Variants in DNM1L observed in about 807,000 individuals in gnomAD.
DNM1L encodes the protein dynamin-1-like protein.
In DNM1L, 33 loss-of-function variants were observed where a neutral mutation model predicts 92.8. The ratio of observed to expected loss-of-function variants is 0.36; its 90% CI spans 0.27 to 0.48. The LOEUF (loss-of-function observed/expected upper bound fraction) is 0.48. Among genes scored for constraint, DNM1L ranks in the 20% least tolerant of loss-of-function variants. The pLI is 0.99. For missense variants in DNM1L, 485 were observed against 888.8 expected (o/e 0.55, Z 5.78); for synonymous variants, 284 against 305.0 (o/e 0.93, Z 0.72).
chr12:32,712,289 C>G (rs1953157261), intron 5 of DNM1L, among the ~76,000 whole-genome samples: 2 of 152,112 alleles, frequency 1.3e-5, no homozygotes, highest in Admixed American at 6.6e-5. Context: ...TGTTACGTCC[C>G]TATTCTTCTC....
At chr12:32,692,009 C>T (rs1449212827) in intron 1 of DNM1L, among the ~76,000 whole-genome samples, 2 of 123,644 alleles carry the variant, frequency 1.6e-5, no homozygotes, top group African/African-American at 8.8e-5. Flanking sequence ...ATCAGACTGG[C>T]ATTAGATTCC....
chr12:32,704,454 G>C (rs1392522509), intron 2 of DNM1L, among the ~76,000 whole-genome samples: 2 of 151,778 alleles, frequency 1.3e-5, no homozygotes, highest in Admixed American at 1.3e-4. Flanking sequence ...GGAGGCTGAG[G>C]CAGGAGAATC....
chr12:32,738,350 C>G, intron 16 of DNM1L, 54 bp downstream of exon 16: 1 of 1,585,756 alleles, frequency 6.3e-7, no homozygotes, highest in Non-Finnish European at 8.7e-7. Flanking sequence ...CTCACTGAAA[C>G]ACTGTCTATA....
In DNM1L at chr12:32,724,590, AAAAATATATAT is replaced by A. The variant is rs1369405248; in HGVS notation, c.1079+1959_1079+1969del. On this transcript the variant is annotated intron_variant, in intron 9 of 19. Coordinates refer to ENST00000549701, the MANE Select transcript of DNM1L (RefSeq NM_012062.5). ...GACTCTATCTCCAAAAAAAAAAAAA[AAAAATATATAT>A]ATATATATATATATATATAAATTAT... Among the ~76,000 whole-genome samples the A allele has an allele frequency of 4.9e-3, 288 of 58,204 alleles. 1 individual carries two copies. The highest frequency in any genetic ancestry group is 0.026 in the Middle Eastern group (2 of 78). The allele number at this position is 58,204 out of a possible 152,430, so 38.2% of individuals were successfully genotyped here.
At chr12:32,682,269 A>C (rs535614711) in intron 1 of DNM1L, among the ~76,000 whole-genome samples, 1 of 152,012 alleles carries the variant, frequency 6.6e-6, no homozygotes, top group African/African-American at 2.4e-5. Context: ...CATAGCTGGG[A>C]TTACAGGCAT....
At chr12:32,723,355 A>G (rs1427832155) in intron 9 of DNM1L, among the ~76,000 whole-genome samples, 2 of 152,196 alleles carry the variant, frequency 1.3e-5, no homozygotes, top group Non-Finnish European at 2.9e-5. Context: ...GGCAATAACT[A>G]TTTCCTAAAA....
intron 16 of DNM1L, among the ~76,000 whole-genome samples, chr12:32,739,510 A>C (rs1955132209): frequency 6.6e-6 from 1 of 152,244 alleles, no homozygotes; most frequent in Admixed American, 6.5e-5. Context: ...CAGCCTAAGA[A>C]TAGCAAATGT....
rs1310846131 is a variant in DNM1L at position 32,744,977 on chromosome 12, A to G, written c.*1567A>G. The G allele has an allele frequency of 1.9e-6, 1 of 518,612 alleles. No individual in the cohort carries two copies. The highest frequency in any genetic ancestry group is 1.9e-5 in the African/African-American group (1 of 51,936). The allele number at this position is 518,612 out of a possible 1,614,324, so 32.1% of individuals were successfully genotyped here. ...TTTTTCAGTTTATGACCAGGTATTT[A>G]TGAAGGACTATTGGCAGGGAAAATA... On this transcript the variant is annotated 3_prime_UTR_variant, in exon 20 of 20. Transcript: ENST00000549701.
chr12:32,682,492 G>A (rs1951848651), intron 1 of DNM1L, among the ~76,000 whole-genome samples: 1 of 152,142 alleles, frequency 6.6e-6, no homozygotes, highest in Non-Finnish European at 1.5e-5. Flanking sequence ...GATTTTATAA[G>A]CCTGGGTTGG....
In DNM1L at chr12:32,743,421, G is replaced by GTAATACTGAGACTTTGTT; in HGVS notation, c.*12_*29dup. 1.2e-6 allele frequency: 2 copies of GTAATACTGAGACTTTGTT among 1,613,336 alleles called. No individual in the cohort carries two copies. Among genetic ancestry groups the GTAATACTGAGACTTTGTT allele is most frequent in the South Asian group, 2.2e-5 (2 of 91,040 alleles). ...ACTCATCTTTGGTGAAGAGAACTAT[G>GTAATACTGAGACTTTGTT]TAATACTGAGACTTTGTTGACTCAA... On this transcript the variant is annotated 3_prime_UTR_variant, in exon 20 of 20. Transcript: ENST00000549701.
intron 8 of DNM1L, 91 bp downstream of exon 8, chr12:32,720,886 C>T: frequency 6.6e-7 from 1 of 1,506,342 alleles, no homozygotes; most frequent in Non-Finnish European, 9.1e-7. Context: ...CATTTTCATA[C>T]TGTTCCTAAC....
intron 5 of DNM1L, chr12:32,711,365 C>T (rs975514001): frequency 3.7e-6 from 1 of 268,308 alleles, no homozygotes; most frequent in Non-Finnish European, 7.2e-6. Context: ...GCTTTAACTA[C>T]GTAAGGCTCT....
chr12:32,715,776 T>C (rs1031580995), intron 6 of DNM1L, among the ~76,000 whole-genome samples: 8 of 152,004 alleles, frequency 5.3e-5, no homozygotes, highest in Admixed American at 4.6e-4. Flanking sequence ...ATAGGTAAAA[T>C]TGTACACTAT....
chr12:32,689,142 T>A lies in DNM1L; in HGVS notation c.102+9677T>A, dbSNP rs534147011. ...TGGTTTAAACTTCATATTTATATTT[T>A]GTCATTAGGTAGAGGGTTTGAGCTA... On this transcript the variant is annotated intron_variant, in intron 1 of 19. Transcript: ENST00000549701. Among the ~76,000 whole-genome samples, 21 of 152,326 alleles carry A rather than the reference T, an allele frequency of 1.4e-4. No individual in the cohort carries two copies. The South Asian group carries it at 3.5e-3, about 26-fold the overall frequency.
chr12:32,716,246 G>GC (rs1445200829), intron 6 of DNM1L, among the ~76,000 whole-genome samples: 1 of 151,752 alleles, frequency 6.6e-6, no homozygotes. Context: ...ATTTGGTGGG[G>GC]GGGGGTGGCA....
chr12:32,716,701 T>C (rs78900733), intron 6 of DNM1L, among the ~76,000 whole-genome samples: 20,754 of 147,462 alleles, frequency 0.14, 1,495 homozygotes, highest in Middle Eastern at 0.18. Context: ...AAATCTATTT[T>C]ATATATATAC....
intron 1 of DNM1L, among the ~76,000 whole-genome samples, chr12:32,688,887 T>C (rs1952125258): frequency 6.6e-6 from 1 of 152,122 alleles, no homozygotes. Context: ...GGATTTTGGG[T>C]ATTAAGTTCA....
At chr12:32,685,422 G>T (rs1036624152) in intron 1 of DNM1L, among the ~76,000 whole-genome samples, 1 of 144,152 alleles carries the variant, frequency 6.9e-6, no homozygotes, top group Non-Finnish European at 1.5e-5. Context: ...GTGCTGTGGC[G>T]CTATCTTGGC....
rs1248480723 is a variant in DNM1L, at chr12:32,717,729, A to T, written c.620-914A>T. On this transcript the variant is annotated intron_variant, in intron 6 of 19. Coordinates refer to ENST00000549701, the MANE Select transcript of DNM1L (RefSeq NM_012062.5). ...ATATACCTAGGTAGATATATATATA[A>T]AAAATACATATACCTAGGTAGATAT... Among the ~76,000 whole-genome samples the T allele has an allele frequency of 3.7e-4, 41 of 109,432 alleles. 2 individuals are homozygous for T. The highest frequency in any genetic ancestry group is 6.9e-4 in the Non-Finnish European group (40 of 58,260). The allele number at this position is 109,432 out of a possible 152,430, so 71.8% of individuals were successfully genotyped here.
Sources: allele counts gnomAD v4.1 joint callset (sites outside exome capture counted in the v4.1 genomes callset), GRCh38; gene constraint gnomAD v4.1.1; transcripts MANE v1.5; gene names NCBI Gene and HGNC (gene_info 2026-07-23, HGNC 2026-07-21).